The following TSHZ2 variants were observed in gnomAD, a reference collection of about 807,000 sequenced individuals.
The protein encoded by TSHZ2 is teashirt zinc finger homeobox 2, also known as teashirt homolog 2.
TSHZ2 carries 21 observed loss-of-function variants against 74.4 expected under a neutral mutation model. The ratio of observed to expected loss-of-function variants is 0.28; its 90% CI spans 0.20 to 0.41. TSHZ2 has a LOEUF of 0.41. TSHZ2 is among the 10% of genes least tolerant of loss of function. The pLI, the probability that TSHZ2 is intolerant of heterozygous loss-of-function variation, is 1.00. For synonymous variants in TSHZ2, 540 were observed against 515.3 expected (o/e 1.05, Z -0.65); for missense variants, 1,244 against 1,293.5 (o/e 0.96, Z 0.59).
At chr20:52,982,386 G>A (rs1981600265) in intron 1 of TSHZ2, among the ~76,000 whole-genome samples, 1 of 152,188 alleles carries the variant, frequency 6.6e-6, no homozygotes, top group African/African-American at 2.4e-5. Context: ...TGTGTCTATT[G>A]TGATGTCTAA....
rs564563407 is a variant in TSHZ2, at chr20:53,149,639, G to A, written c.41-103860G>A. Among the ~76,000 whole-genome samples, 4 of 152,272 alleles carry A rather than the reference G, an allele frequency of 2.6e-5. No homozygotes were observed. The South Asian group carries it at 8.3e-4, about 32-fold the overall frequency. On this transcript the variant is annotated intron_variant, in intron 1 of 2. Transcript: ENST00000371497. The stretch of plus-strand genomic sequence containing the variant: ...ACCGTAACAGGAAACCTCTTTAATA[G>A]CACTTCTTCTCATCACATATTATGT...
intron 2 of TSHZ2, among the ~76,000 whole-genome samples, chr20:53,282,329 G>A (rs6097333): frequency 0.21 from 32,582 of 152,130 alleles, 4,948 homozygotes; most frequent in African/African-American, 0.43. Context: ...CAGGAATCAC[G>A]TTTTTGAAAG....
Position 53,254,219 on chromosome 20 carries a change from G to C in TSHZ2, c.761G>C (p.Ser254Thr). Residue 254 changes from serine (S) to threonine (T), a missense_variant, in exon 2 of 3, where the codon AGC (serine) becomes ACC (threonine). Around this residue, in one of 6 missense-constraint regions of TSHZ2, gnomAD observed 470 missense variants for 456.5 expected, o/e 1.03. Coordinates refer to ENST00000371497, the MANE Select transcript of TSHZ2 (RefSeq NM_173485.6). ...NRKKDKLRPT[S>T]YSKPRKRAFQ... ...AAAAAGGACAAGCTCAGACCCACGA[G>C]CTATTCAAAGCCCAGGAAAAGGGCT... The C allele has an allele frequency of 1.9e-6, 3 of 1,614,138 alleles. No homozygotes were observed. The highest frequency in any genetic ancestry group is 2.5e-6 in the Non-Finnish European group (3 of 1,180,024).
At chr20:53,354,511 G>A (rs547151588) in intron 2 of TSHZ2, among the ~76,000 whole-genome samples, 17 of 152,226 alleles carry the variant, frequency 1.1e-4, no homozygotes, top group Admixed American at 3.3e-4. Flanking sequence ...CCACTGCAAA[G>A]CAGGTGAAGG....
intron 1 of TSHZ2, among the ~76,000 whole-genome samples, chr20:53,188,340 G>A (rs187124085): frequency 4.4e-4 from 67 of 152,262 alleles, no homozygotes; most frequent in African/African-American, 1.3e-3. Flanking sequence ...ACTGGGAGTC[G>A]ATCAAGTTAT....
intron 1 of TSHZ2, among the ~76,000 whole-genome samples, chr20:53,061,213 G>T (rs1984811755): frequency 6.6e-6 from 1 of 152,166 alleles, no homozygotes; most frequent in Non-Finnish European, 1.5e-5. Context: ...ATAGAGGTAA[G>T]GTTGGAGAAT....
chr20:53,325,783 G>A (rs1000492227), intron 2 of TSHZ2, among the ~76,000 whole-genome samples: 4 of 151,738 alleles, frequency 2.6e-5, no homozygotes, highest in African/African-American at 7.3e-5. Flanking sequence ...TCTTTTTTTT[G>A]TTTTGTTTTG....
intron 2 of TSHZ2, among the ~76,000 whole-genome samples, chr20:53,466,260 T>TA (rs1219023172): frequency 6.7e-3 from 368 of 54,824 alleles, no homozygotes; most frequent in South Asian, 0.015. Flanking sequence ...AAAATAAAAA[T>TA]AAAAAAAAAA....
At chr20:53,437,952 C>G (rs1984153211) in intron 2 of TSHZ2, among the ~76,000 whole-genome samples, 1 of 152,182 alleles carries the variant, frequency 6.6e-6, no homozygotes, top group African/African-American at 2.4e-5. Context: ...CACTATGCCT[C>G]TTGTACAGTC....
At chr20:53,465,570 C>T (rs993170405) in intron 2 of TSHZ2, among the ~76,000 whole-genome samples, 3 of 152,076 alleles carry the variant, frequency 2.0e-5, no homozygotes, top group Non-Finnish European at 4.4e-5. Context: ...CGCACCCAGC[C>T]AGAAATCTTT....
chr20:53,142,671 T>C (rs1297589623), intron 1 of TSHZ2, among the ~76,000 whole-genome samples: 2 of 152,192 alleles, frequency 1.3e-5, no homozygotes, highest in Non-Finnish European at 2.9e-5. Flanking sequence ...AAAGTTGTTA[T>C]ACATTGGCAG....
At chr20:53,425,954 T>C (rs1304223399) in intron 2 of TSHZ2, among the ~76,000 whole-genome samples, 1 of 152,138 alleles carries the variant, frequency 6.6e-6, no homozygotes, top group East Asian at 1.9e-4. Context: ...AACCCATAAA[T>C]TCCCACTTTT....
At chr20:53,445,687 G>GCTGGAACT (rs1169341955) in intron 2 of TSHZ2, among the ~76,000 whole-genome samples, 2 of 152,178 alleles carry the variant, frequency 1.3e-5, no homozygotes, top group East Asian at 3.9e-4. Context: ...GGCCGACAAT[G>GCTGGAACT]CTGGAACTGT....
rs1990471687 is a variant in TSHZ2, at chr20:53,256,021, A to G, written c.2563A>G (p.Ile855Val). 1 of 1,613,108 alleles carries G rather than the reference A, an allele frequency of 6.2e-7. No individual in the cohort carries two copies. Among genetic ancestry groups the G allele is most frequent in the Admixed American group, 1.7e-5 (1 of 59,948 alleles). Residue 855 changes from isoleucine to valine, a missense_variant, in exon 2 of 3, where the codon ATT becomes GTT. Physicochemically the swap from Ile to Val is conservative, Grantham distance 29. This residue lies in a region of TSHZ2 where 4 missense variants were observed against 19.1 expected (regional missense o/e 0.21). Transcript: ENST00000371497. The surrounding 1 kb of genome is among the most constrained non-coding windows in gnomAD (Gnocchi z 4.3). ...CAACTGGAATCCTCAGCATCTTCTG[A>G]TTCTACAAGCCCAGTTTGCCTCGAG... Reference protein sequence around the residue: ...QSNWNPQHLLILQAQFASSLF... With the variant: ...QSNWNPQHLLVLQAQFASSLF...
intron 1 of TSHZ2, among the ~76,000 whole-genome samples, chr20:53,146,002 T>G (rs1028050877): frequency 2.0e-5 from 3 of 152,130 alleles, no homozygotes; most frequent in Non-Finnish European, 4.4e-5. Flanking sequence ...GGAGAAAACC[T>G]TGAAGCTTCA....
chr20:53,032,075 C>T (rs1983659709), intron 1 of TSHZ2, among the ~76,000 whole-genome samples: 1 of 152,180 alleles, frequency 6.6e-6, no homozygotes, highest in African/African-American at 2.4e-5. Context: ...GTATTTCTAG[C>T]AACTAGTGTG....
At chr20:53,241,764 A>G (rs958949685) in intron 1 of TSHZ2, among the ~76,000 whole-genome samples, 3 of 152,090 alleles carry the variant, frequency 2.0e-5, no homozygotes, top group African/African-American at 7.2e-5. Flanking sequence ...AGGTACTATT[A>G]TTATCTCCAA....
chr20:53,101,939 G>A (rs962032652), intron 1 of TSHZ2, among the ~76,000 whole-genome samples: 5 of 149,652 alleles, frequency 3.3e-5, no homozygotes, highest in African/African-American at 1.2e-4. Context: ...TTTTTGGGGA[G>A]CGTCTTTTGA....
intron 1 of TSHZ2, among the ~76,000 whole-genome samples, chr20:53,213,567 G>T (rs182218239): frequency 6.6e-6 from 1 of 152,008 alleles, no homozygotes; most frequent in Non-Finnish European, 1.5e-5. Context: ...ACACACACAC[G>T]AGAGACAGAG....
Sources: allele counts gnomAD v4.1 joint callset (sites outside exome capture counted in the v4.1 genomes callset), GRCh38; gene constraint gnomAD v4.1.1; regional missense constraint gnomAD v4.1.1; non-coding constraint Gnocchi (gnomAD v3.1); transcripts MANE v1.5; gene names NCBI Gene and HGNC (gene_info 2026-07-23, HGNC 2026-07-21).